Variants in NOX4 observed in about 807,000 individuals in gnomAD.
NOX4 encodes NADPH oxidase 4.
Under a neutral mutation model 87.6 loss-of-function variants are expected in NOX4, and 69 were observed. The ratio of observed to expected loss-of-function variants is 0.79; its 90% CI spans 0.65 to 0.96. NOX4 has a LOEUF of 0.96. Among genes scored for constraint, NOX4 ranks in the 40% least tolerant of loss-of-function variants. NOX4 has a pLI of 0.00. For missense variants in NOX4, 680 were observed against 681.5 expected, an observed-to-expected ratio of 1.00 and a Z score of 0.02; for synonymous variants, 275 against 238.2, an observed-to-expected ratio of 1.15 and a Z score of -1.42.
chr11:89,561,436 T>C, the NOX4 span, among the ~76,000 whole-genome samples: 2 of 152,092 alleles, frequency 1.3e-5, no homozygotes, highest in Non-Finnish European at 2.9e-5. Context: ...TCTATACAAC[T>C]GTCTGCAACA....
At chr11:89,394,183 A>T (rs952889307) in intron 11 of NOX4, among the ~76,000 whole-genome samples, 4 of 152,180 alleles carry the variant, frequency 2.6e-5, no homozygotes, top group Non-Finnish European at 2.9e-5. Context: ...GCCTCTCTTC[A>T]GTGTGAACAT....
intron 2 of NOX4, among the ~76,000 whole-genome samples, chr11:89,466,617 G>A (rs544643683): frequency 2.6e-5 from 4 of 152,262 alleles, no homozygotes; most frequent in African/African-American, 9.6e-5. Context: ...TGGGACACTA[G>A]GAGTTCAATA....
chr11:89,556,998 C>T, the NOX4 span: 2 of 152,116 alleles, frequency 1.3e-5, no homozygotes, highest in South Asian at 2.1e-4. Context: ...ATTACCATGA[C>T]AACCAGTAGC....
At chr11:89,480,007 G>A (rs569658215) in intron 2 of NOX4, among the ~76,000 whole-genome samples, 180 of 152,164 alleles carry the variant, frequency 1.2e-3, no homozygotes, top group African/African-American at 3.7e-3. Flanking sequence ...CATGGAATTG[G>A]CCTCCAGGAA....
intron 11 of NOX4, among the ~76,000 whole-genome samples, chr11:89,375,361 A>G (rs1334562349): frequency 6.6e-6 from 1 of 152,118 alleles, no homozygotes; most frequent in Non-Finnish European, 1.5e-5. Context: ...GCTGGAGTGC[A>G]GTGGCACGAT....
At chr11:89,439,562 C>T (rs1233637531) in intron 6 of NOX4, among the ~76,000 whole-genome samples, 1 of 152,060 alleles carries the variant, frequency 6.6e-6, no homozygotes, top group Non-Finnish European at 1.5e-5. Flanking sequence ...GGGTAATGTG[C>T]CTCAGTCCCA....
chr11:89,459,285 G>A (rs564693390), intron 2 of NOX4, among the ~76,000 whole-genome samples: 115 of 152,096 alleles, frequency 7.6e-4, no homozygotes, highest in African/African-American at 2.7e-3. Flanking sequence ...AACAGACACA[G>A]GGGTCTACTT....
intron 2 of NOX4, among the ~76,000 whole-genome samples, chr11:89,486,593 T>C (rs1004245929): frequency 6.9e-5 from 9 of 131,366 alleles, no homozygotes; most frequent in African/African-American, 2.4e-4. Flanking sequence ...TATATATGTG[T>C]ATATATACAT....
chr11:89,583,460 T>C, the NOX4 span, among the ~76,000 whole-genome samples: 2 of 152,204 alleles, frequency 1.3e-5, no homozygotes, highest in African/African-American at 4.8e-5. Context: ...TAATTCCCTT[T>C]CCACATTGAA....
At chr11:89,438,268 T>A (rs1944184560) in intron 6 of NOX4, among the ~76,000 whole-genome samples, 1 of 135,926 alleles carries the variant, frequency 7.4e-6, no homozygotes, top group African/African-American at 2.7e-5. Flanking sequence ...ATATATAATA[T>A]ATAATAATAT....
intron 9 of NOX4, 72 bp from the exon 10 acceptor site, chr11:89,400,451 T>G (rs2135179592): frequency 9.5e-7 from 1 of 1,056,592 alleles, no homozygotes; most frequent in Non-Finnish European, 1.3e-6. Context: ...GCCCAATTGC[T>G]TATTGCATAC....
the NOX4 span, among the ~76,000 whole-genome samples, chr11:89,510,904 T>G: frequency 6.6e-6 from 1 of 152,030 alleles, no homozygotes; most frequent in Non-Finnish European, 1.5e-5. Flanking sequence ...TTGTAGTACA[T>G]CCTCCTCAGT....
the NOX4 span, among the ~76,000 whole-genome samples, chr11:89,550,310 C>T: frequency 6.6e-6 from 1 of 152,010 alleles, no homozygotes; most frequent in Non-Finnish European, 1.5e-5. Flanking sequence ...CTCAGCCTCT[C>T]GAGTAGCTGG....
intron 13 of NOX4, among the ~76,000 whole-genome samples, chr11:89,347,836 T>C (rs2134942715): frequency 6.6e-6 from 1 of 152,346 alleles, no homozygotes; most frequent in South Asian, 2.1e-4. Context: ...GCCAAGTAGC[T>C]AGTGTGCTGG....
At chr11:89,579,052 GA>G in the NOX4 span, among the ~76,000 whole-genome samples, 2 of 152,166 alleles carry the variant, frequency 1.3e-5, no homozygotes, top group South Asian at 2.1e-4. Flanking sequence ...AAGCCAATCT[GA>G]AAAAGCTGCA....
At chr11:89,448,994 T>C (rs771832167) in intron 4 of NOX4, among the ~76,000 whole-genome samples, 3 of 152,300 alleles carry the variant, frequency 2.0e-5, no homozygotes, top group Non-Finnish European at 2.9e-5. Context: ...GGAATGAAAT[T>C]ACTTACTTTC....
chr11:89,402,268 T>C (rs377036413), intron 9 of NOX4, 58 bp downstream of exon 9: 18 of 1,223,208 alleles, frequency 1.5e-5, no homozygotes, highest in East Asian at 1.4e-4. Context: ...TTATATGTGA[T>C]GTTGATCAGT....
chr11:89,376,609 G>A (rs1458846074), intron 11 of NOX4, among the ~76,000 whole-genome samples: 3 of 152,150 alleles, frequency 2.0e-5, no homozygotes, highest in East Asian at 1.9e-4. Flanking sequence ...ATGGCTGGCC[G>A]CAGTGGCTCA....
chr11:89,422,002 C>A lies in NOX4; in HGVS notation c.549-20G>T. ...GAAACTCTGCAAAAACAAATACACT[C>A]ATTTTAATGCTACTTTACATTCCAT... On this transcript the variant is annotated intron_variant, in intron 7 of 17. Coordinates refer to ENST00000263317, the MANE Select transcript of NOX4 (RefSeq NM_016931.5). 4 of 1,220,530 alleles carry A rather than the reference C, an allele frequency of 3.3e-6. No homozygotes were observed. The highest frequency in any genetic ancestry group is 1.4e-5 in the South Asian group (1 of 73,462). The allele number at this position is 1,220,530 out of a possible 1,614,324, so 75.6% of individuals were successfully genotyped here. A position where few individuals can be genotyped will look rare whatever the true frequency, so the allele number is the denominator to read the frequency against.
Sources: allele counts gnomAD v4.1 joint callset (sites outside exome capture counted in the v4.1 genomes callset), GRCh38; gene constraint gnomAD v4.1.1; transcripts MANE v1.5; gene names NCBI Gene and HGNC (gene_info 2026-07-23, HGNC 2026-07-21).